The following USH2A variants were observed in gnomAD, a reference collection of about 807,000 sequenced individuals.
USH2A encodes the protein Usher syndrome 2A (autosomal recessive, mild).
In USH2A, 443 loss-of-function variants were observed where a neutral mutation model predicts 538.9. That is an observed-to-expected ratio of 0.82 (90% CI 0.76 to 0.89). The LOEUF (loss-of-function observed/expected upper bound fraction) is 0.89. USH2A is among the 40% of genes least tolerant of loss of function. The pLI, the probability that USH2A is intolerant of heterozygous loss-of-function variation, is 0.00. For missense variants in USH2A, 6,633 were observed against 6,324.8 expected, an observed-to-expected ratio of 1.05 and a Z score of -1.65; for synonymous variants, 2,413 against 2,273.5, an observed-to-expected ratio of 1.06 and a Z score of -1.75.
chr1:216,363,283 A>G (rs2038530940), intron 4 of USH2A, among the ~76,000 whole-genome samples: 1 of 152,148 alleles, frequency 6.6e-6, no homozygotes, highest in Non-Finnish European at 1.5e-5. Context: ...AGGTGCTTGA[A>G]ACACAGTAAT....
chr1:215,798,937 C>G lies in USH2A; in HGVS notation c.9928G>C (p.Glu3310Gln). 6.2e-7 allele frequency: 1 copy of G among 1,614,064 alleles called. No individual in the cohort carries two copies. The highest frequency in any genetic ancestry group is 1.1e-5 in the South Asian group (1 of 91,084). ...VSNDLECCGGEEGVVYNRLPG... is the reference protein window; with the variant it reads ...VSNDLECCGGQEGVVYNRLPG... ...AGGCGATTGTACACCACTCCTTCTTCTCCACCACAACACTCTAAATCGTTG... is the reference window on the plus strand; with the variant it reads ...AGGCGATTGTACACCACTCCTTCTTGTCCACCACAACACTCTAAATCGTTG... The change falls in exon 50 of 72, where the codon GAA (glutamate) becomes CAA (glutamine). Residue 3310 changes from glutamate (E) to glutamine (Q), a missense_variant. Glu to Gln is a conservative substitution (Grantham distance 29, BLOSUM62 2). Transcript: ENST00000307340.
chr1:215,876,578 C>T (rs1360874826), intron 43 of USH2A, among the ~76,000 whole-genome samples: 1 of 152,122 alleles, frequency 6.6e-6, no homozygotes, highest in Non-Finnish European at 1.5e-5. Flanking sequence ...CGCACCCCTG[C>T]CTTATGGTAG....
In USH2A at chr1:215,992,223, T is replaced by C. The variant is rs972395388; in HGVS notation, c.6805+797A>G. Among the ~76,000 whole-genome samples, 3 of 152,320 alleles carry C rather than the reference T, an allele frequency of 2.0e-5. No individual in the cohort carries two copies. In the East Asian group the frequency reaches 5.8e-4, roughly 29 times the overall value. ...TGAGTTTCTTAAAAGAGTTTCTATA[T>C]TAAAAGTCTTCTTGATATTTGTCTC... On this transcript the variant is annotated intron_variant, in intron 35 of 71. Transcript: ENST00000307340.
intron 60 of USH2A, among the ~76,000 whole-genome samples, chr1:215,729,036 G>C (rs1252376630): frequency 6.6e-6 from 1 of 152,214 alleles, no homozygotes; most frequent in East Asian, 1.9e-4. Flanking sequence ...GGCCTTTTGC[G>C]AGTATGCTCG....
chr1:215,652,609 G>A (rs1383966895), intron 64 of USH2A, among the ~76,000 whole-genome samples: 2 of 152,136 alleles, frequency 1.3e-5, no homozygotes, highest in Admixed American at 1.3e-4. Flanking sequence ...ACTAGGGAGG[G>A]GAGGTGGAGG....
At chr1:216,094,940 T>G (rs1190244704) in intron 22 of USH2A, among the ~76,000 whole-genome samples, 1 of 148,314 alleles carries the variant, frequency 6.7e-6, no homozygotes, top group South Asian at 2.1e-4. Context: ...TCAAATGAGT[T>G]TATGTGCGTG....
At chr1:216,037,645 A>G (rs1448896198) in intron 32 of USH2A, among the ~76,000 whole-genome samples, 1 of 152,084 alleles carries the variant, frequency 6.6e-6, no homozygotes, top group African/African-American at 2.4e-5. Flanking sequence ...TGGGTGCAAC[A>G]GTTTTGGCAC....
chr1:215,774,621 CTTT>C, intron 55 of USH2A, among the ~76,000 whole-genome samples: 1 of 151,964 alleles, frequency 6.6e-6, no homozygotes, highest in Non-Finnish European at 1.5e-5. Context: ...TCCAGGCAGA[CTTT>C]TCTTCTCTAA....
chr1:216,381,884 C>T (rs776807373), intron 3 of USH2A, among the ~76,000 whole-genome samples: 11 of 152,122 alleles, frequency 7.2e-5, no homozygotes, highest in Non-Finnish European at 1.3e-4. Context: ...AAAAGTCGGC[C>T]CTGTGCATAG....
intron 50 of USH2A, among the ~76,000 whole-genome samples, chr1:215,796,546 G>A (rs1351776997): frequency 2.6e-5 from 4 of 151,918 alleles, no homozygotes; most frequent in East Asian, 1.9e-4. Flanking sequence ...GTTGATGAGC[G>A]TCCTGTGTGT....
intron 58 of USH2A, among the ~76,000 whole-genome samples, chr1:215,754,075 T>C (rs981298368): frequency 6.6e-6 from 1 of 152,180 alleles, no homozygotes; most frequent in African/African-American, 2.4e-5. Flanking sequence ...CTTGAGCATA[T>C]TATATTACTT....
At chr1:215,783,722 C>T (rs561114333) in intron 52 of USH2A, among the ~76,000 whole-genome samples, 8 of 152,128 alleles carry the variant, frequency 5.3e-5, no homozygotes, top group African/African-American at 9.6e-5. Context: ...ATTTATTTTC[C>T]ATGTCTCTAA....
intron 61 of USH2A, among the ~76,000 whole-genome samples, chr1:215,685,649 A>T (rs2797244): frequency 0.74 from 112,068 of 151,930 alleles, 41,809 homozygotes; most frequent in East Asian, 0.9. Flanking sequence ...TGAGCCACAG[A>T]GCCTGGCCAT....
chr1:216,415,901 A>G (rs1236440587), intron 3 of USH2A, among the ~76,000 whole-genome samples: 2 of 152,204 alleles, frequency 1.3e-5, no homozygotes, highest in African/African-American at 4.8e-5. Context: ...ACTCTGGCTC[A>G]TGCCTGTAAT....
chr1:216,007,573 G>A (rs1000049893), intron 32 of USH2A, among the ~76,000 whole-genome samples: 8 of 152,302 alleles, frequency 5.3e-5, no homozygotes, highest in East Asian at 1.9e-4. Flanking sequence ...GTCCCAGGTC[G>A]GGGGCAAGAC....
chr1:216,253,162 T>G (rs1471366200), intron 11 of USH2A, among the ~76,000 whole-genome samples: 1 of 151,840 alleles, frequency 6.6e-6, no homozygotes, highest in South Asian at 2.1e-4. Context: ...TTTTTTTTTT[T>G]TTTGAGATGG....
intron 4 of USH2A, among the ~76,000 whole-genome samples, chr1:216,361,968 G>A (rs1170108253): frequency 6.6e-6 from 1 of 152,056 alleles, no homozygotes; most frequent in Non-Finnish European, 1.5e-5. Context: ...ATGCTATTCT[G>A]TTTTTATCTT....
intron 2 of USH2A, 83 bp downstream of exon 2, chr1:216,421,769 C>T (rs55982953): frequency 0.016 from 24,912 of 1,599,020 alleles, 231 homozygotes; most frequent in Middle Eastern, 0.043. Context: ...CCTTCACTTC[C>T]GGTTTGGAAT....
At chr1:215,847,268 T>G (rs1663876040) in intron 44 of USH2A, among the ~76,000 whole-genome samples, 1 of 152,172 alleles carries the variant, frequency 6.6e-6, no homozygotes, top group African/African-American at 2.4e-5. Flanking sequence ...TTTCAGAGAC[T>G]TTTAAGCAGA....
Sources: gnomAD v4.1 joint callset for allele counts (sites outside exome capture counted in the v4.1 genomes callset) on GRCh38, gnomAD v4.1.1 for gene constraint, MANE v1.5 for transcripts, NCBI Gene and HGNC (gene_info 2026-07-23, HGNC 2026-07-21) for gene names.